WASHC2A: variants seen among roughly 807,000 people sequenced by gnomAD.
The protein encoded by WASHC2A is WASH complex subunit FAM21A.
WASHC2A carries 82 observed loss-of-function variants against 140.3 expected under a neutral mutation model. The ratio of observed to expected loss-of-function variants is 0.58; its 90% CI spans 0.49 to 0.70. The LOEUF (loss-of-function observed/expected upper bound fraction) is 0.70. Ranked by LOEUF, WASHC2A falls within the 30% of genes least tolerant of loss-of-function variation. The pLI is 0.00. For missense variants in WASHC2A, 985 were observed against 1,521.8 expected (o/e 0.65, Z 5.87); for synonymous variants, 340 against 560.8 (o/e 0.61, Z 5.56).
intron 29 of WASHC2A, 52 bp from the exon 30 acceptor site, chr10:50,130,849 A>C (rs1298626412): frequency 6.8e-6 from 11 of 1,607,766 alleles, no homozygotes; most frequent in Non-Finnish European, 8.5e-7. Flanking sequence ...GTTTGAGCTT[A>C]AAAAGAAAAA....
At chr10:50,096,269 C>A (rs1840489378) in intron 15 of WASHC2A, among the ~76,000 whole-genome samples, 1 of 12,218 alleles carries the variant, frequency 8.2e-5, no homozygotes, top group African/African-American at 9.5e-5. Flanking sequence ...AAATGTAAGT[C>A]CTATGTCCTG....
chr10:50,086,873 CT>C (rs1839434226), intron 7 of WASHC2A, among the ~76,000 whole-genome samples: 1 of 126,004 alleles, frequency 7.9e-6, no homozygotes, highest in Admixed American at 8.9e-5. Flanking sequence ...GGTTCCAAGT[CT>C]TTGCTATTGT....
intron 21 of WASHC2A, among the ~76,000 whole-genome samples, chr10:50,116,670 C>T (rs1842710533): frequency 6.6e-6 from 1 of 151,426 alleles, no homozygotes; most frequent in East Asian, 1.9e-4. Flanking sequence ...AAAGCCTTTT[C>T]CTTTGATTAC....
intron 4 of WASHC2A, among the ~76,000 whole-genome samples, chr10:50,079,875 A>C (rs2132420461): frequency 6.6e-6 from 1 of 151,914 alleles, no homozygotes. Flanking sequence ...TAGCTATTTA[A>C]CTCAGAATCA....
In WASHC2A at chr10:50,133,149, T is replaced by C. The variant is rs1314057703; in HGVS notation, c.*204T>C. ...ACAAAAATAAATATTTCACAGTGGT[T>C]GGTTTGTTTTGTTTTTAAACCACAG... On this transcript the variant is annotated 3_prime_UTR_variant, in exon 31 of 31. Transcript: ENST00000282633. 2.8e-6 allele frequency: 2 copies of C among 716,494 alleles called. No individual in the cohort carries two copies. Among genetic ancestry groups the C allele is most frequent in the African/African-American group, 3.6e-5 (2 of 55,624 alleles). The allele number at this position is 716,494 out of a possible 1,614,324, so 44.4% of individuals were successfully genotyped here.
At chr10:50,079,377 T>C (rs1478724865) in intron 4 of WASHC2A, among the ~76,000 whole-genome samples, 2 of 152,246 alleles carry the variant, frequency 1.3e-5, no homozygotes, top group Non-Finnish European at 2.9e-5. Flanking sequence ...AAAAAAGTTA[T>C]TTTATTTTAT....
rs1202720470 is a variant in WASHC2A, at chr10:50,095,704, G to T, written c.1346G>T (p.Gly449Val). 2.5e-4 allele frequency: 407 copies of T among 1,611,310 alleles called. No individual in the cohort carries two copies. Among genetic ancestry groups the T allele is most frequent in the Middle Eastern group, 1.3e-3 (6 of 4,452 alleles). ...RKSPYGPPPTGLFDDDDGDDD... is the reference protein window; with the variant it reads ...RKSPYGPPPTVLFDDDDGDDD... ...AGCCCCTATGGTCCCCCTCCCACTG[G>T]CCTCTTTGATGATGATGATGGTGAT... Residue 449 changes from glycine to valine, a missense_variant, in exon 15 of 31, where the codon GGC becomes GTC. By Grantham distance (109) the Gly-to-Val change is moderately radical (BLOSUM62 -3). Transcript: ENST00000282633.
At chr10:50,109,792 C>CA in intron 19 of WASHC2A, among the ~76,000 whole-genome samples, 1 of 152,138 alleles carries the variant, frequency 6.6e-6, no homozygotes, top group East Asian at 1.9e-4. Flanking sequence ...TTTTTTGAGA[C>CA]AGAGTCTCGC....
intron 16 of WASHC2A, among the ~76,000 whole-genome samples, chr10:50,098,014 C>T (rs1430300805): frequency 2.0e-5 from 3 of 151,094 alleles, no homozygotes; most frequent in African/African-American, 7.3e-5. Flanking sequence ...GGATGTAAAC[C>T]TTGTTACATA....
At chr10:50,108,937 G>A (rs1432403902) in intron 19 of WASHC2A, among the ~76,000 whole-genome samples, 41,477 of 149,258 alleles carry the variant, frequency 0.28, 6,601 homozygotes, top group Middle Eastern at 0.41. Flanking sequence ...TGCTGACAGT[G>A]GATCCCAGCT....
At chr10:50,077,070 T>C (rs1838410838) in intron 3 of WASHC2A, among the ~76,000 whole-genome samples, 1 of 148,394 alleles carries the variant, frequency 6.7e-6, no homozygotes, top group Non-Finnish European at 1.5e-5. Context: ...TGAGCCGAGA[T>C]CGCACCACTG....
intron 5 of WASHC2A, among the ~76,000 whole-genome samples, chr10:50,081,922 C>T (rs1292363617): frequency 3.9e-5 from 6 of 152,132 alleles, no homozygotes; most frequent in Non-Finnish European, 5.9e-5. Flanking sequence ...CATGAGCCAC[C>T]GCACCCAGCC....
At chr10:50,076,941 C>T (rs1838387419) in intron 3 of WASHC2A, among the ~76,000 whole-genome samples, 1 of 151,320 alleles carries the variant, frequency 6.6e-6, no homozygotes, top group African/African-American at 2.4e-5. Context: ...GGTGAAACCC[C>T]ATCTCTACTA....
At position 50,113,524 on chromosome 10, in the gene WASHC2A, A is replaced by G. The variant is rs1345366275; in HGVS notation, c.2040-371A>G. On this transcript the variant is annotated intron_variant, in intron 20 of 30. Coordinates refer to ENST00000282633, the MANE Select transcript of WASHC2A (RefSeq NM_001005751.3). Reference sequence around the variant, plus strand: ...TCTCTTGGCAACCGTCTTCATGACAATTCTGGAAATAGGCCTGTCCGCTTT... The same window carrying G: ...TCTCTTGGCAACCGTCTTCATGACAGTTCTGGAAATAGGCCTGTCCGCTTT... Among the ~76,000 whole-genome samples the G allele has an allele frequency of 2.6e-5, 4 of 152,116 alleles. 1 individual carries two copies. The highest frequency in any genetic ancestry group is 6.8e-3 in the Middle Eastern group (2 of 294).
intron 17 of WASHC2A, among the ~76,000 whole-genome samples, chr10:50,103,744 A>G (rs1196824665): frequency 1.3e-5 from 2 of 152,152 alleles, no homozygotes; most frequent in African/African-American, 4.8e-5. Context: ...ATGGTGTAGG[A>G]AATTGATTCA....
intron 26 of WASHC2A, 29 bp downstream of exon 26, chr10:50,126,208 C>T (rs1264943790): frequency 6.2e-7 from 1 of 1,612,546 alleles, no homozygotes; most frequent in African/African-American, 1.3e-5. Context: ...GGATTTTCAG[C>T]TCTTGTTTGC....
chr10:50,076,968 T>A (rs1838394209), intron 3 of WASHC2A, among the ~76,000 whole-genome samples: 1 of 150,020 alleles, frequency 6.7e-6, no homozygotes, highest in African/African-American at 2.5e-5. Flanking sequence ...CAAAAAAAAT[T>A]AGCTGGGCAT....
chr10:50,092,290 C>T, intron 11 of WASHC2A, 57 bp downstream of exon 11: 2 of 1,027,308 alleles, frequency 1.9e-6, no homozygotes, highest in South Asian at 3.2e-5. Flanking sequence ...AGGAATGTTG[C>T]TTACATAATT....
intron 3 of WASHC2A, among the ~76,000 whole-genome samples, chr10:50,070,644 A>G (rs1554875866): frequency 6.9e-6 from 1 of 144,804 alleles, no homozygotes; most frequent in South Asian, 2.2e-4. Context: ...TTGGAGAGCT[A>G]TATATAAAAT....
Sources: gnomAD v4.1 joint callset for allele counts (sites outside exome capture counted in the v4.1 genomes callset) on GRCh38, gnomAD v4.1.1 for gene constraint, MANE v1.5 for transcripts, NCBI Gene and HGNC (gene_info 2026-07-23, HGNC 2026-07-21) for gene names.